SUGCT: variants seen among roughly 807,000 people sequenced by gnomAD.
SUGCT encodes succinyl-CoA:glutarate-CoA transferase.
In SUGCT, 41 loss-of-function variants were observed where a neutral mutation model predicts 55.0. The ratio of observed to expected loss-of-function variants is 0.74; its 90% CI spans 0.58 to 0.97. The LOEUF is 0.97. SUGCT is among the 50% of genes least tolerant of loss of function. SUGCT has a pLI of 0.00. For synonymous variants in SUGCT, 187 were observed against 200.4 expected, an observed-to-expected ratio of 0.93 and a Z score of 0.56; for missense variants, 568 against 547.8, an observed-to-expected ratio of 1.04 and a Z score of -0.37.
the SUGCT span, among the ~76,000 whole-genome samples, chr7:41,008,375 C>T: frequency 6.6e-6 from 1 of 152,208 alleles, no homozygotes; most frequent in Non-Finnish European, 1.5e-5. Context: ...AACCTCCTGG[C>T]TCCAGCACCT....
the SUGCT span, among the ~76,000 whole-genome samples, chr7:40,928,554 T>TAA: frequency 6.6e-6 from 1 of 152,134 alleles, no homozygotes; most frequent in African/African-American, 2.4e-5. Context: ...TTCACATTTT[T>TAA]AATGTAAAGT....
intron 12 of SUGCT, among the ~76,000 whole-genome samples, chr7:40,694,439 A>G (rs1321304859): frequency 1.3e-5 from 2 of 152,224 alleles, no homozygotes; most frequent in Non-Finnish European, 2.9e-5. Context: ...TGCATCTCAG[A>G]ATCAGCTTGG....
intron 9 of SUGCT, among the ~76,000 whole-genome samples, chr7:40,330,424 G>T (rs921706431): frequency 1.2e-4 from 19 of 152,102 alleles, no homozygotes; most frequent in Admixed American, 1.3e-4. Context: ...CAACTGGTTA[G>T]GTCTGCATAT....
intron 9 of SUGCT, among the ~76,000 whole-genome samples, chr7:40,417,506 A>G (rs1787068192): frequency 6.6e-6 from 1 of 151,748 alleles, no homozygotes; most frequent in African/African-American, 2.4e-5. Flanking sequence ...AGTCAGCTTC[A>G]TTTTTGTGAA....
At chr7:40,386,865 G>T (rs1785155375) in intron 9 of SUGCT, among the ~76,000 whole-genome samples, 1 of 152,144 alleles carries the variant, frequency 6.6e-6, no homozygotes, top group Admixed American at 6.5e-5. Flanking sequence ...GCATTTACTT[G>T]TAGGTGCCAC....
At chr7:40,773,915 T>G (rs1789318312) in intron 13 of SUGCT, among the ~76,000 whole-genome samples, 1 of 152,148 alleles carries the variant, frequency 6.6e-6, no homozygotes, top group Admixed American at 6.5e-5. Flanking sequence ...CTTAAAACAC[T>G]CCACATAGCC....
rs887985127 is a variant in SUGCT, at chr7:40,440,054, G to A, written c.817-9233G>A. Reference sequence around the variant, plus strand: ...CTCCCTTTTTTTCCTACTCTGCAGTGTGAACTTTCTTCCTAAATGATTTGG... The same window carrying A: ...CTCCCTTTTTTTCCTACTCTGCAGTATGAACTTTCTTCCTAAATGATTTGG... On this transcript the variant is annotated intron_variant, in intron 9 of 13. Coordinates refer to ENST00000335693, the MANE Select transcript of SUGCT (RefSeq NM_001193313.2). 2.0e-5 allele frequency among the ~76,000 whole-genome samples: 3 copies of A among 150,280 alleles called. 1 individual carries two copies. Among genetic ancestry groups the A allele is most frequent in the Admixed American group, 1.3e-4 (2 of 15,078 alleles).
At chr7:40,681,660 C>T (rs1446080731) in intron 12 of SUGCT, among the ~76,000 whole-genome samples, 1 of 152,128 alleles carries the variant, frequency 6.6e-6, no homozygotes, top group Non-Finnish European at 1.5e-5. Flanking sequence ...AAGTTACAGG[C>T]AAACTCATAA....
chr7:40,237,324 A>T (rs1789079429), intron 6 of SUGCT, among the ~76,000 whole-genome samples: 1 of 151,910 alleles, frequency 6.6e-6, no homozygotes, highest in African/African-American at 2.4e-5. Context: ...CACGCCTGTT[A>T]TCCTAGCTAC....
At chr7:40,945,731 A>T in the SUGCT span, among the ~76,000 whole-genome samples, 1 of 152,116 alleles carries the variant, frequency 6.6e-6, no homozygotes. Context: ...TGCTCCCTTG[A>T]TGTGATGGAC....
At chr7:40,602,404 C>T (rs1274041309) in intron 12 of SUGCT, among the ~76,000 whole-genome samples, 3 of 152,180 alleles carry the variant, frequency 2.0e-5, no homozygotes, top group African/African-American at 4.8e-5. Flanking sequence ...GCCTTTACAG[C>T]CCTTCGTATT....
intron 9 of SUGCT, among the ~76,000 whole-genome samples, chr7:40,405,228 A>G (rs532327924): frequency 6.6e-6 from 1 of 152,272 alleles, no homozygotes; most frequent in Non-Finnish European, 1.5e-5. Flanking sequence ...AGAGAGACCC[A>G]ATCACATGTA....
At chr7:40,674,751 G>A (rs1783873296) in intron 12 of SUGCT, among the ~76,000 whole-genome samples, 1 of 152,052 alleles carries the variant, frequency 6.6e-6, no homozygotes, top group African/African-American at 2.4e-5. Context: ...TTTTTTAGAG[G>A]AAAGGTTGGT....
rs891987232 is a variant in SUGCT, at chr7:40,749,098, A to G, written c.1090-336A>G. ...GTCCTGCCATAAGGTTATGCAGGAAAAGGCTGAGCTTTAATATTAGGGGAG... is the reference window on the plus strand; with the variant it reads ...GTCCTGCCATAAGGTTATGCAGGAAGAGGCTGAGCTTTAATATTAGGGGAG... On this transcript the variant is annotated intron_variant, in intron 12 of 13. Coordinates refer to ENST00000335693, the MANE Select transcript of SUGCT (RefSeq NM_001193313.2). Among the ~76,000 whole-genome samples, 9 of 152,268 alleles carry G rather than the reference A, an allele frequency of 5.9e-5. No individual in the cohort carries two copies. The East Asian group carries it at 1.3e-3, about 23-fold the overall frequency.
chr7:40,671,466 A>G (rs1201703265), intron 12 of SUGCT, among the ~76,000 whole-genome samples: 7 of 152,194 alleles, frequency 4.6e-5, no homozygotes, highest in African/African-American at 1.4e-4. Flanking sequence ...TTGTTTACAA[A>G]TGACATAATT....
chr7:40,804,398 G>A (rs1243144165), intron 13 of SUGCT, among the ~76,000 whole-genome samples: 1 of 152,054 alleles, frequency 6.6e-6, no homozygotes, highest in Non-Finnish European at 1.5e-5. Context: ...AAAAGTACCT[G>A]ACACATAATA....
At chr7:40,339,423 A>G (rs1209926776) in intron 9 of SUGCT, among the ~76,000 whole-genome samples, 1 of 151,966 alleles carries the variant, frequency 6.6e-6, no homozygotes, top group Non-Finnish European at 1.5e-5. Context: ...CGCTTTGTTT[A>G]CCTACTCAAG....
intron 6 of SUGCT, among the ~76,000 whole-genome samples, chr7:40,223,610 C>A (rs1788169807): frequency 6.6e-6 from 1 of 152,146 alleles, no homozygotes; most frequent in African/African-American, 2.4e-5. Context: ...GGATTTGGAG[C>A]CACTGTGTAT....
the SUGCT span, among the ~76,000 whole-genome samples, chr7:40,955,962 A>G: frequency 1.3e-5 from 2 of 152,216 alleles, no homozygotes; most frequent in East Asian, 3.9e-4. Flanking sequence ...CCAGCCTTGT[A>G]TCACAGGGAT....
Sources: gnomAD v4.1 joint callset for allele counts (sites outside exome capture counted in the v4.1 genomes callset) on GRCh38, gnomAD v4.1.1 for gene constraint, MANE v1.5 for transcripts, NCBI Gene and HGNC (gene_info 2026-07-23, HGNC 2026-07-21) for gene names.